F2RL3: variants seen among roughly 807,000 people sequenced by gnomAD.
The protein encoded by F2RL3 is proteinase-activated receptor 4.
Under a neutral mutation model 4.9 loss-of-function variants are expected in F2RL3, and 3 were observed. The ratio of observed to expected loss-of-function variants is 0.61; its 90% confidence interval spans 0.28 to 1.58. The LOEUF (loss-of-function observed/expected upper bound fraction) is 1.58, where lower values mean the gene tolerates loss of function less well. Ranked by LOEUF, F2RL3 falls within the 40% of genes most tolerant of loss-of-function variation. The pLI is 0.11. For missense variants in F2RL3, 564 were observed against 550.4 expected, an observed-to-expected ratio of 1.02 and a Z score of -0.25; for synonymous variants, 284 against 278.4, an observed-to-expected ratio of 1.02 and a Z score of -0.20.
In F2RL3 at chr19:16,889,564, C is replaced by A; in HGVS notation, c.110-9C>A. On this transcript the variant is annotated splice_polypyrimidine_tract_variant and intron_variant, in intron 1 of 1. Coordinates refer to ENST00000248076, the MANE Select transcript of F2RL3 (RefSeq NM_003950.4). ...GCAGGGGCTGACTGAGGTCCCCTCT[C>A]TCTCCCAGACAGCACGCCCTCAATC... The A allele has an allele frequency of 6.5e-7, 1 of 1,547,164 alleles. No homozygotes were observed.
At chr19:16,889,437 G>T in intron 1 of F2RL3, 136 bp from the exon 2 acceptor site, 1 of 1,172,824 alleles carries the variant, frequency 8.5e-7, no homozygotes, top group Non-Finnish European at 1.2e-6. Flanking sequence ...GACCCCATAG[G>T]GCTGGGCTAT....
In F2RL3 at chr19:16,890,558, C is replaced by T. The variant is rs1228763309; in HGVS notation, c.1095C>T (p.Ala365=). The change falls in exon 2 of 2, where the codon GCC becomes GCT. Residue 365 remains alanine (A), a synonymous_variant. Transcript: ENST00000248076. ...LFQRSPGDTV[A]SKASAEGGSR... ...AACGGTCGCCGGGGGACACCGTGGC[C>T]TCCAAGGCCTCTGCGGAAGGGGGCA... 3 of 1,605,284 alleles carry T rather than the reference C, an allele frequency of 1.9e-6. No homozygotes were observed. The highest frequency in any genetic ancestry group is 1.7e-4 in the Middle Eastern group (1 of 6,050).
In F2RL3 at chr19:16,890,022, C is replaced by G. The variant is rs369057366; in HGVS notation, c.559C>G (p.Leu187Val). 5 of 1,597,868 alleles carry G rather than the reference C, an allele frequency of 3.1e-6. No homozygotes were observed. The highest frequency in any genetic ancestry group is 4.2e-6 in the Non-Finnish European group (5 of 1,177,402). Residue 187 changes from leucine to valine, a missense_variant, in exon 2 of 2, where the codon CTG becomes GTG. Leu to Val is a conservative substitution (Grantham distance 32). Coordinates refer to ENST00000248076, the MANE Select transcript of F2RL3 (RefSeq NM_003950.4). Reference sequence around the variant, plus strand: ...GGTGCACCCGCTGCGGGCCCGCGCCCTGCGTGGCCGGCGCCTGGCCCTTGG... The same window carrying G: ...GGTGCACCCGCTGCGGGCCCGCGCCGTGCGTGGCCGGCGCCTGGCCCTTGG... The part of the protein sequence containing the change: ...ALVHPLRARA[L>V]RGRRLALGLC...
rs914269296 is a variant in F2RL3 at position 16,889,242 on chromosome 19, G to A, written c.53G>A (p.Gly18Asp). The change falls in exon 1 of 2, where the codon GGC (glycine) becomes GAC (aspartate). Residue 18 changes from glycine (G) to aspartate (D), a missense_variant. Gly to Asp is a moderately conservative substitution (Grantham distance 94). Transcript: ENST00000248076. The stretch of plus-strand genomic sequence containing the variant: ...CTGGTGCTGGGGTTCAGCCTGTCTG[G>A]CGGCACCCAGACCCCCAGCGTCTAC... ...WPLVLGFSLS[G>D]GTQTPSVYDE... 2 of 1,594,130 alleles carry A rather than the reference G, an allele frequency of 1.3e-6. No homozygotes were observed. Among genetic ancestry groups the A allele is most frequent in the Non-Finnish European group, 1.7e-6 (2 of 1,171,902 alleles).
chr19:16,889,281 G>A lies in F2RL3; in HGVS notation c.92G>A (p.Ser31Asn), dbSNP rs1328031237. 1 of 1,595,004 alleles carries A rather than the reference G, an allele frequency of 6.3e-7. No individual in the cohort carries two copies. The highest frequency in any genetic ancestry group is 8.5e-7 in the Non-Finnish European group (1 of 1,172,140). ...CCCAGCGTCTACGACGAGAGCGGGA[G>A]CACCGGAGGTGGTGATGGTGAGTGG... ...QTPSVYDESG[S>N]TGGGDDSTPS... is the part of the protein sequence containing the mutation. Residue 31 changes from serine to asparagine, a missense_variant, in exon 1 of 2, where the codon AGC becomes AAC. Ser to Asn is a conservative substitution (Grantham distance 46). Coordinates refer to ENST00000248076, the MANE Select transcript of F2RL3 (RefSeq NM_003950.4).
In F2RL3 at chr19:16,889,855, C is replaced by G; in HGVS notation, c.392C>G (p.Pro131Arg). 1 of 1,594,738 alleles carries G rather than the reference C, an allele frequency of 6.3e-7. No individual in the cohort carries two copies. Among genetic ancestry groups the G allele is most frequent in the Non-Finnish European group, 8.5e-7 (1 of 1,176,862 alleles). The change falls in exon 2 of 2, where the codon CCG becomes CGG. Residue 131 changes from proline (P) to arginine (R), a missense_variant. Physicochemically the swap from Pro to Arg is moderately radical, Grantham distance 103. Coordinates refer to ENST00000248076, the MANE Select transcript of F2RL3 (RefSeq NM_003950.4). Reference sequence around the variant, plus strand: ...CTCCTGCTGGCCCTGGCGCTGCCCCCGCGGATCGCCTACCACCTGCGTGGC... The same window carrying G: ...CTCCTGCTGGCCCTGGCGCTGCCCCGGCGGATCGCCTACCACCTGCGTGGC... Reference protein sequence around the residue: ...ADLLLALALPPRIAYHLRGQR... With the variant: ...ADLLLALALPRRIAYHLRGQR...
chr19:16,890,085 G>GCACTGCCCCTGA lies in F2RL3; in HGVS notation c.629_640dup (p.Pro210_Leu213dup), dbSNP rs1351884003. 6.3e-7 allele frequency: 1 copy of GCACTGCCCCTGA among 1,597,290 alleles called. No homozygotes were observed. The highest frequency in any genetic ancestry group is 8.5e-7 in the Non-Finnish European group (1 of 1,179,002). On this transcript the variant is annotated inframe_insertion, in exon 2 of 2. Transcript: ENST00000248076. ...TGCTTGGCTCATGGCGGCCGCCCTG[G>GCACTGCCCCTGA]CACTGCCCCTGACACTGCAGCGGCA...
rs2051760415 is a variant in F2RL3, at chr19:16,889,679, G to A, written c.216G>A (p.Leu72=). The change falls in exon 2 of 2, where the codon CTG becomes CTA. Residue 72 remains leucine, a synonymous_variant. Coordinates refer to ENST00000248076, the MANE Select transcript of F2RL3 (RefSeq NM_003950.4). ...ELPDSSRALL[L]GWVPTRLVPA... is the part of the protein sequence containing the mutation. ...CGGACAGCTCACGGGCACTGCTTCT[G>A]GGCTGGGTGCCCACCAGGCTGGTGC... 4 of 1,609,734 alleles carry A rather than the reference G, an allele frequency of 2.5e-6. No individual in the cohort carries two copies. The South Asian group carries it at 4.4e-5, about 18-fold the overall frequency.
Position 16,889,629 on chromosome 19 carries a change from A to C in F2RL3, c.166A>C (p.Asn56His). The stretch of plus-strand genomic sequence containing the variant: ...CGGCTACCCAGGCCAAGTCTGTGCC[A>C]ATGACAGTGACACCCTGGAGCTCCC... ...PRGYPGQVCA[N>H]DSDTLELPDS... The change falls in exon 2 of 2, where the codon AAT (asparagine) becomes CAT (histidine). Residue 56 changes from asparagine to histidine, a missense_variant. Coordinates refer to ENST00000248076, the MANE Select transcript of F2RL3 (RefSeq NM_003950.4). The C allele has an allele frequency of 1.2e-6, 2 of 1,608,036 alleles. No homozygotes were observed. Among genetic ancestry groups the C allele is most frequent in the Non-Finnish European group, 1.7e-6 (2 of 1,177,550 alleles).
rs1434021311 is a variant in F2RL3, at chr19:16,889,886, C to T, written c.423C>T (p.Arg141=). The change falls in exon 2 of 2, where the codon CGC becomes CGT. Residue 141 remains arginine (R), a synonymous_variant. Transcript: ENST00000248076. ...TCGCCTACCACCTGCGTGGCCAGCG[C>T]TGGCCCTTCGGGGAGGCCGCCTGCC... The part of the protein sequence containing the change: ...PRIAYHLRGQ[R]WPFGEAACRL... The T allele has an allele frequency of 1.3e-6, 2 of 1,587,022 alleles. No individual in the cohort carries two copies. The highest frequency in any genetic ancestry group is 1.7e-6 in the Non-Finnish European group (2 of 1,172,610).
Position 16,890,585 on chromosome 19 carries a change from C to G in F2RL3, c.1122C>G (p.Ser374Arg). The change falls in exon 2 of 2, where the codon AGC (serine) becomes AGG (arginine). Residue 374 changes from serine to arginine, a missense_variant. By Grantham distance (110) the Ser-to-Arg change is moderately radical (BLOSUM62 -1). Coordinates refer to ENST00000248076, the MANE Select transcript of F2RL3 (RefSeq NM_003950.4). ...CCAAGGCCTCTGCGGAAGGGGGCAG[C>G]CGGGGCATGGGCACCCACTCCTCTT... ...VASKASAEGG[S>R]RGMGTHSSLL... 6.3e-7 allele frequency: 1 copy of G among 1,588,488 alleles called. No individual in the cohort carries two copies. Among genetic ancestry groups the G allele is most frequent in the Non-Finnish European group, 8.6e-7 (1 of 1,169,570 alleles).
rs775835585 is a variant in F2RL3, at chr19:16,890,645, G to T, written c.*24G>T. 6.8e-7 allele frequency: 1 copy of T among 1,474,730 alleles called. No individual in the cohort carries two copies. Among genetic ancestry groups the T allele is most frequent in the Non-Finnish European group, 9.1e-7 (1 of 1,096,044 alleles). 91.4% of individuals were successfully genotyped at this position (1,474,730 alleles called of 1,614,324 possible). On this transcript the variant is annotated 3_prime_UTR_variant, in exon 2 of 2. Coordinates refer to ENST00000248076, the MANE Select transcript of F2RL3 (RefSeq NM_003950.4). ...GACACAAAGTGGGGAAGGCTGTACT[G>T]GGTCGAACAGGGTCCCTTCCCCCAC...
In F2RL3 at chr19:16,891,678, A is replaced by C. The variant is rs2051794200; in HGVS notation, c.*1057A>C. ...GAGGCTGAGTCAGGAGAATCGCTTG[A>C]ACCTGGGAGGCGGAGGTTGCGGTCA... On this transcript the variant is annotated 3_prime_UTR_variant, in exon 2 of 2. Coordinates refer to ENST00000248076, the MANE Select transcript of F2RL3 (RefSeq NM_003950.4). 1.3e-5 allele frequency: 2 copies of C among 152,142 alleles called. No individual in the cohort carries two copies. Among genetic ancestry groups the C allele is most frequent in the African/African-American group, 4.8e-5 (2 of 41,328 alleles). The allele number at this position is 152,142 out of a possible 1,614,324, so 9.4% of individuals were successfully genotyped here.
At position 16,890,453 on chromosome 19, in the gene F2RL3, C is replaced by A; in HGVS notation, c.990C>A (p.Thr330=). Residue 330 remains threonine, a synonymous_variant, in exon 2 of 2, where the codon ACC becomes ACA. Transcript: ENST00000248076. ...GAYVPSLALS[T]LNSCVDPFIY... ...ACGTGCCCAGCCTGGCGCTGAGCACCCTCAACAGCTGCGTGGATCCCTTCA... is the reference window on the plus strand; with the variant it reads ...ACGTGCCCAGCCTGGCGCTGAGCACACTCAACAGCTGCGTGGATCCCTTCA... The A allele has an allele frequency of 6.2e-7, 1 of 1,612,828 alleles. No individual in the cohort carries two copies. The highest frequency in any genetic ancestry group is 8.5e-7 in the Non-Finnish European group (1 of 1,179,956).
Position 16,889,348 on chromosome 19 carries a change from G to A in F2RL3, c.109+50G>A, listed in dbSNP as rs2051756466. 6.1e-6 allele frequency: 9 copies of A among 1,476,522 alleles called. No homozygotes were observed. The Middle Eastern group carries it at 6.9e-4, about 114-fold the overall frequency. 91.5% of individuals were successfully genotyped at this position (1,476,522 alleles called of 1,614,324 possible). On this transcript the variant is annotated intron_variant, in intron 1 of 1. Coordinates refer to ENST00000248076, the MANE Select transcript of F2RL3 (RefSeq NM_003950.4). Reference sequence around the variant, plus strand: ...CAGAGATGGGGTTACATCAGAGATGGAGCTGGGGGCCCGGAGCTGGGGAGG... The same window carrying A: ...CAGAGATGGGGTTACATCAGAGATGAAGCTGGGGGCCCGGAGCTGGGGAGG...
In F2RL3 at chr19:16,890,351, C is replaced by T. The variant is rs750840958; in HGVS notation, c.888C>T (p.Phe296=). 39 of 1,601,822 alleles carry T rather than the reference C, an allele frequency of 2.4e-5. No individual in the cohort carries two copies. The highest frequency in any genetic ancestry group is 3.3e-5 in the South Asian group (3 of 90,098). The change falls in exon 2 of 2, where the codon TTC becomes TTT. Residue 296 remains phenylalanine (F), a synonymous_variant. Coordinates refer to ENST00000248076, the MANE Select transcript of F2RL3 (RefSeq NM_003950.4). The part of the protein sequence containing the change: ...AVVLASAVAF[F]VPSNLLLLLH... ...TGCTGGCCTCCGCCGTGGCCTTCTT[C>T]GTGCCCAGCAACCTGCTGCTGCTGC...
In F2RL3 at chr19:16,890,256, G is replaced by C. The variant is rs372937570; in HGVS notation, c.793G>C (p.Gly265Arg). Residue 265 changes from glycine to arginine, a missense_variant, in exon 2 of 2, where the codon GGG becomes CGG. By Grantham distance (125) the Gly-to-Arg change is moderately radical. Transcript: ENST00000248076. The part of the protein sequence containing the change: ...LPLLAMLLCY[G>R]ATLHTLAASG... ...CCTGCTGGCCATGCTGCTGTGCTACGGGGCCACCCTGCACACGCTGGCGGC... is the reference window on the plus strand; with the variant it reads ...CCTGCTGGCCATGCTGCTGTGCTACCGGGCCACCCTGCACACGCTGGCGGC... 1.8e-5 allele frequency: 28 copies of C among 1,565,376 alleles called. No homozygotes were observed. Among genetic ancestry groups the C allele is most frequent in the Non-Finnish European group, 2.4e-5 (28 of 1,161,794 alleles).
rs370106529 is a variant in F2RL3 at position 16,890,051 on chromosome 19, C to G, written c.588C>G (p.Leu196=). ...ALRGRRLALG[L]CMAAWLMAAA... is the part of the protein sequence containing the mutation. ...GTGGCCGGCGCCTGGCCCTTGGACT[C>G]TGCATGGCTGCTTGGCTCATGGCGG... The change falls in exon 2 of 2, where the codon CTC becomes CTG. Residue 196 remains leucine (L), a synonymous_variant. Transcript: ENST00000248076. 1.3e-5 allele frequency: 21 copies of G among 1,598,956 alleles called. No individual in the cohort carries two copies. In the African/African-American group the frequency reaches 2.7e-4, roughly 20 times the overall value.
In F2RL3 at chr19:16,889,926, G is replaced by A. The variant is rs753109358; in HGVS notation, c.463G>A (p.Ala155Thr). The change falls in exon 2 of 2, where the codon GCA (alanine) becomes ACA (threonine). Residue 155 changes from alanine (A) to threonine (T), a missense_variant. Coordinates refer to ENST00000248076, the MANE Select transcript of F2RL3 (RefSeq NM_003950.4). ...GEAACRLATA[A>T]LYGHMYGSVL... ...GGCCGCCTGCCGCCTGGCCACGGCC[G>A]CACTCTATGGTCACATGTATGGCTC... is the stretch of plus-strand genomic sequence containing the variant. The A allele has an allele frequency of 2.7e-5, 43 of 1,584,952 alleles. No individual in the cohort carries two copies. Among genetic ancestry groups the A allele is most frequent in the East Asian group, 9.1e-5 (4 of 44,042 alleles).
Sources: gnomAD v4.1 joint callset for allele counts on GRCh38, gnomAD v4.1.1 for gene constraint, MANE v1.5 for transcripts, NCBI Gene and HGNC (gene_info 2026-07-23, HGNC 2026-07-21) for gene names.